Variants in ADGRL2 observed in about 807,000 individuals in gnomAD.
ADGRL2 encodes calcium-independent alpha-latrotoxin receptor 2.
ADGRL2 carries 44 observed loss-of-function variants against 157.4 expected under a neutral mutation model. The observed-to-expected ratio is 0.28, with a 90% CI of 0.22 to 0.36. The LOEUF (loss-of-function observed/expected upper bound fraction) is 0.36. ADGRL2 is among the 10% of genes least tolerant of loss of function. The pLI is 1.00. For missense variants in ADGRL2, 1,510 were observed against 1,768.9 expected (o/e 0.85, Z 2.63); for synonymous variants, 585 against 624.7 (o/e 0.94, Z 0.95).
At chr1:81,820,443 T>A (rs2090867961) in intron 1 of ADGRL2, among the ~76,000 whole-genome samples, 2 of 152,136 alleles carry the variant, frequency 1.3e-5, no homozygotes, top group Non-Finnish European at 2.9e-5. Context: ...TCTCAGTAAA[T>A]GCTTATTGTT....
intron 3 of ADGRL2, among the ~76,000 whole-genome samples, chr1:81,586,932 T>C (rs1368493716): frequency 6.6e-6 from 1 of 152,058 alleles, no homozygotes; most frequent in Admixed American, 6.6e-5. Flanking sequence ...GGGAAAGTTA[T>C]ATAATTCAAG....
intron 1 of ADGRL2, among the ~76,000 whole-genome samples, chr1:81,422,911 T>C (rs1167084415): frequency 6.6e-6 from 1 of 152,198 alleles, no homozygotes; most frequent in Non-Finnish European, 1.5e-5. Context: ...CTATGCTGTG[T>C]TGTGTTTCGT....
At chr1:81,660,550 T>G (rs1422156606) in intron 3 of ADGRL2, among the ~76,000 whole-genome samples, 1 of 152,120 alleles carries the variant, frequency 6.6e-6, no homozygotes, top group Non-Finnish European at 1.5e-5. Context: ...CCAAACCAGT[T>G]CTCCCTGTGA....
intron 2 of ADGRL2, among the ~76,000 whole-genome samples, chr1:81,451,720 C>T (rs911793927): frequency 1.3e-5 from 2 of 152,234 alleles, no homozygotes; most frequent in Middle Eastern, 3.4e-3. Context: ...TATTTCTGGG[C>T]TTGTTTACAA....
intron 1 of ADGRL2, among the ~76,000 whole-genome samples, chr1:81,712,739 T>A (rs954733681): frequency 2.7e-5 from 4 of 150,152 alleles, no homozygotes; most frequent in African/African-American, 4.9e-5. Context: ...GGAGCACCAA[T>A]TTACCTGGAT....
intron 2 of ADGRL2, among the ~76,000 whole-genome samples, chr1:81,479,244 G>A (rs59261331): frequency 0.035 from 5,258 of 151,560 alleles, 292 homozygotes; most frequent in African/African-American, 0.12. Flanking sequence ...AGGCCGAGAT[G>A]GGTGGATCAC....
At chr1:81,854,346 T>C (rs2093126979) in intron 2 of ADGRL2, among the ~76,000 whole-genome samples, 2 of 152,156 alleles carry the variant, frequency 1.3e-5, no homozygotes, top group Admixed American at 6.6e-5. Context: ...TGACATACCC[T>C]GTAGTGAAAT....
At chr1:81,392,264 A>G (rs973766212) in intron 1 of ADGRL2, among the ~76,000 whole-genome samples, 3 of 151,660 alleles carry the variant, frequency 2.0e-5, no homozygotes, top group Non-Finnish European at 4.4e-5. Context: ...TTCTGAGCTT[A>G]AAAAGAAACC....
chr1:81,888,157 T>C (rs1350472428), intron 2 of ADGRL2, among the ~76,000 whole-genome samples: 1 of 152,126 alleles, frequency 6.6e-6, no homozygotes, highest in African/African-American at 2.4e-5. Context: ...ATTCAAGGTA[T>C]GGAGACAATA....
chr1:81,357,227 C>T (rs12027072), intron 1 of ADGRL2, among the ~76,000 whole-genome samples: 27,654 of 152,000 alleles, frequency 0.18, 2,641 homozygotes, highest in East Asian at 0.2. Context: ...GCCTTGCTCA[C>T]TCTTTGCACC....
intron 2 of ADGRL2, among the ~76,000 whole-genome samples, chr1:81,900,209 C>T (rs1248556153): frequency 6.6e-6 from 1 of 152,044 alleles, no homozygotes; most frequent in Non-Finnish European, 1.5e-5. Flanking sequence ...GGCAAATTCC[C>T]TCTAAAACAA....
intron 2 of ADGRL2, among the ~76,000 whole-genome samples, chr1:81,492,329 GTAAAA>G (rs1164277651): frequency 2.6e-5 from 4 of 152,106 alleles, no homozygotes; most frequent in Admixed American, 2.6e-4. Context: ...AAATATCTTT[GTAAAA>G]TAACCAATGA....
intron 1 of ADGRL2, among the ~76,000 whole-genome samples, chr1:81,395,739 C>T (rs1207626240): frequency 6.6e-6 from 1 of 152,124 alleles, no homozygotes; most frequent in African/African-American, 2.4e-5. Context: ...GGATGGGGGT[C>T]TAGTTTCATT....
At chr1:81,566,651 A>G (rs1279625758) in intron 2 of ADGRL2, among the ~76,000 whole-genome samples, 5 of 152,128 alleles carry the variant, frequency 3.3e-5, no homozygotes, top group Admixed American at 2.6e-4. Context: ...CCTGGGACAA[A>G]TCTTCCCTCT....
intron 2 of ADGRL2, among the ~76,000 whole-genome samples, chr1:81,522,130 A>G (rs112572446): frequency 0.079 from 11,954 of 151,878 alleles, 642 homozygotes; most frequent in Non-Finnish European, 0.1. Context: ...GTACCCAGCT[A>G]ATTTTTGTAT....
chr1:81,867,195 T>C (rs991827892), intron 2 of ADGRL2, among the ~76,000 whole-genome samples: 7 of 152,200 alleles, frequency 4.6e-5, no homozygotes, highest in African/African-American at 1.7e-4. Context: ...AAATTACTTT[T>C]ATGATTAGTG....
intron 1 of ADGRL2, among the ~76,000 whole-genome samples, chr1:81,377,009 G>T (rs80036623): frequency 3.0e-4 from 45 of 152,126 alleles, no homozygotes; most frequent in African/African-American, 1.1e-3. Flanking sequence ...GCCAAAAAGC[G>T]AGACACCATC....
At chr1:81,823,775 G>A (rs10157954) in intron 1 of ADGRL2, among the ~76,000 whole-genome samples, 21,305 of 151,840 alleles carry the variant, frequency 0.14, 1,659 homozygotes, top group East Asian at 0.19. Context: ...GGAGATTCCA[G>A]GCAGAAGGAA....
intron 3 of ADGRL2, among the ~76,000 whole-genome samples, chr1:81,601,009 C>G (rs1477481399): frequency 6.6e-6 from 1 of 152,158 alleles, no homozygotes; most frequent in Non-Finnish European, 1.5e-5. Flanking sequence ...CTGATCGACA[C>G]TCAAGTAATG....
Sources: allele counts gnomAD v4.1 joint callset (sites outside exome capture counted in the v4.1 genomes callset), GRCh38; gene constraint gnomAD v4.1.1; transcripts MANE v1.5; gene names NCBI Gene and HGNC (gene_info 2026-07-23, HGNC 2026-07-21).